Variants in HSD17B3 observed in about 807,000 individuals in gnomAD.
HSD17B3 encodes hydroxysteroid 17-beta dehydrogenase 3.
Under a neutral mutation model 41.1 loss-of-function variants are expected in HSD17B3, and 29 were observed. The observed-to-expected ratio is 0.71, with a 90% CI of 0.53 to 0.96. The LOEUF (loss-of-function observed/expected upper bound fraction) is 0.96, where lower values mean the gene tolerates loss of function less well. HSD17B3 is among the 40% of genes least tolerant of loss of function. The pLI, the probability that HSD17B3 is intolerant of heterozygous loss-of-function variation, is 0.00. For missense variants in HSD17B3, 323 were observed against 374.6 expected, an observed-to-expected ratio of 0.86 and a Z score of 1.14; for synonymous variants, 126 against 145.6, an observed-to-expected ratio of 0.87 and a Z score of 0.97.
At chr9:96,249,933 C>T in intron 5 of HSD17B3, 147 bp from the exon 6 acceptor site, 1 of 1,544,296 alleles carries the variant, frequency 6.5e-7, no homozygotes, top group South Asian at 1.2e-5. Flanking sequence ...CTCATAACTG[C>T]CTTCCAGCAA....
intron 2 of HSD17B3, among the ~76,000 whole-genome samples, chr9:96,262,684 C>T (rs931116230): frequency 2.6e-5 from 4 of 152,054 alleles, no homozygotes; most frequent in African/African-American, 4.8e-5. Context: ...AAAGCAATCA[C>T]GGTTTTTGCC....
intron 2 of HSD17B3, among the ~76,000 whole-genome samples, chr9:96,268,568 A>G (rs1826123426): frequency 6.6e-6 from 1 of 152,206 alleles, no homozygotes; most frequent in Admixed American, 6.5e-5. Context: ...AAACATTTAA[A>G]AAACCAATCA....
intron 2 of HSD17B3, among the ~76,000 whole-genome samples, chr9:96,278,778 A>G (rs990641937): frequency 6.6e-6 from 1 of 152,228 alleles, no homozygotes; most frequent in Non-Finnish European, 1.5e-5. Context: ...TTAGAAATAA[A>G]TGAGGACTGT....
chr9:96,244,179 G>C (rs1204281488), intron 9 of HSD17B3, 150 bp downstream of exon 9: 1 of 828,128 alleles, frequency 1.2e-6, no homozygotes, highest in African/African-American at 1.7e-5. Flanking sequence ...GGCATCCCCA[G>C]CTCATCTTCC....
At chr9:96,269,747 T>C (rs1202132874) in intron 2 of HSD17B3, among the ~76,000 whole-genome samples, 4 of 151,306 alleles carry the variant, frequency 2.6e-5, no homozygotes, top group African/African-American at 9.7e-5. Context: ...CTAGTAAAAA[T>C]ACAAAAATTA....
At chr9:96,254,801 G>T in intron 3 of HSD17B3, 67 bp downstream of exon 3, 1 of 1,350,054 alleles carries the variant, frequency 7.4e-7, no homozygotes, top group Non-Finnish European at 1.1e-6. Flanking sequence ...TACATCAACT[G>T]GCATGGTGGG....
intron 10 of HSD17B3, chr9:96,239,597 A>C (rs1447098308): frequency 6.6e-6 from 1 of 152,252 alleles, no homozygotes; most frequent in Non-Finnish European, 1.5e-5. Flanking sequence ...AGATAAAGGA[A>C]TGCTTTGGTA....
chr9:96,241,002 G>C, intron 9 of HSD17B3, 95 bp from the exon 10 acceptor site: 2 of 1,439,638 alleles, frequency 1.4e-6, no homozygotes, highest in South Asian at 2.3e-5. Flanking sequence ...ACCATTTCCC[G>C]ACCCTTCTCT....
chr9:96,241,237 GT>G (rs1379259761), intron 9 of HSD17B3, among the ~76,000 whole-genome samples: 1 of 152,188 alleles, frequency 6.6e-6, no homozygotes, highest in African/African-American at 2.4e-5. Flanking sequence ...TAAATTTGAA[GT>G]TCAGACAAAC....
intron 2 of HSD17B3, among the ~76,000 whole-genome samples, chr9:96,259,259 T>G (rs1825774300): frequency 1.3e-5 from 2 of 152,128 alleles, no homozygotes; most frequent in Non-Finnish European, 2.9e-5. Flanking sequence ...GGACAATGAG[T>G]TGTTCCTGCC....
At chr9:96,301,903 A>G (rs745930632) in intron 1 of HSD17B3, 48 bp downstream of exon 1, 8 of 1,578,094 alleles carry the variant, frequency 5.1e-6, no homozygotes. Context: ...AATAGTAACA[A>G]GCAGGAACAA....
intron 1 of HSD17B3, among the ~76,000 whole-genome samples, chr9:96,301,470 T>C (rs1230277730): frequency 6.6e-6 from 1 of 150,826 alleles, no homozygotes. Context: ...CTCAGCACTT[T>C]GAGAGGCTAA....
At chr9:96,276,939 C>A (rs1836202589) in intron 2 of HSD17B3, among the ~76,000 whole-genome samples, 1 of 152,152 alleles carries the variant, frequency 6.6e-6, no homozygotes, top group Admixed American at 6.6e-5. Flanking sequence ...CGGTGGCTCA[C>A]ACCTGTAATC....
In HSD17B3 at chr9:96,284,432, G is replaced by A. The variant is rs546175820; in HGVS notation, c.201+13984C>T. Among the ~76,000 whole-genome samples the A allele has an allele frequency of 1.4e-3, 215 of 152,226 alleles. 1 individual carries two copies. Among genetic ancestry groups the A allele is most frequent in the African/African-American group, 5.0e-3 (207 of 41,544 alleles). Reference sequence around the variant, plus strand: ...TCTCCAGAATTTGAAAACTAGTTGCGAGTATTCTTAATTTAATGACAGTAT... The same window carrying A: ...TCTCCAGAATTTGAAAACTAGTTGCAAGTATTCTTAATTTAATGACAGTAT... On this transcript the variant is annotated intron_variant, in intron 2 of 10. Coordinates refer to ENST00000375263, the MANE Select transcript of HSD17B3 (RefSeq NM_000197.2).
chr9:96,249,876 C>A, intron 5 of HSD17B3, 90 bp from the exon 6 acceptor site: 2 of 1,610,118 alleles, frequency 1.2e-6, no homozygotes, highest in South Asian at 2.2e-5. Flanking sequence ...ATGAAGTGGG[C>A]AAAAGTGCAT....
At position 96,254,939 on chromosome 9, in the gene HSD17B3, G is replaced by A; in HGVS notation, c.206C>T (p.Ala69Val). 1 of 1,613,690 alleles carries A rather than the reference G, an allele frequency of 6.2e-7. No individual in the cohort carries two copies. Among genetic ancestry groups the A allele is most frequent in the Non-Finnish European group, 8.5e-7 (1 of 1,179,840 alleles). Residue 69 changes from alanine to valine, a missense_variant, in exon 3 of 11, where the codon GCA (alanine) becomes GTA (valine). By Grantham distance (64) the Ala-to-Val change is moderately conservative. Coordinates refer to ENST00000375263, the MANE Select transcript of HSD17B3 (RefSeq NM_000197.2). Reference sequence around the variant, plus strand: ...AAGGACAACATTGAGTCCACGTTTTGCTAGCTGAGAGTGGGAGTGAAAAAC... The same window carrying A: ...AAGGACAACATTGAGTCCACGTTTTACTAGCTGAGAGTGGGAGTGAAAAAC... ...GIGKAYSFELAKRGLNVVLIS... is the reference protein window; with the variant it reads ...GIGKAYSFELVKRGLNVVLIS...
intron 2 of HSD17B3, among the ~76,000 whole-genome samples, chr9:96,271,606 T>C (rs2130761976): frequency 6.6e-6 from 1 of 152,298 alleles, no homozygotes; most frequent in Admixed American, 6.5e-5. Context: ...CAGATATGTG[T>C]TATGATCCAG....
chr9:96,293,739 TAAAA>T (rs1236808882), intron 2 of HSD17B3, among the ~76,000 whole-genome samples: 1 of 151,652 alleles, frequency 6.6e-6, no homozygotes, highest in Non-Finnish European at 1.5e-5. Flanking sequence ...TCTCAAAAAA[TAAAA>T]AAAGCCGTAT....
intron 4 of HSD17B3, 127 bp downstream of exon 4, chr9:96,252,676 T>G: frequency 1.4e-6 from 1 of 723,608 alleles, no homozygotes; most frequent in South Asian, 1.5e-5. Flanking sequence ...TTCAACTTAA[T>G]GGGACAGCTT....
Sources: allele counts gnomAD v4.1 joint callset (sites outside exome capture counted in the v4.1 genomes callset), GRCh38; gene constraint gnomAD v4.1.1; transcripts MANE v1.5; gene names NCBI Gene and HGNC (gene_info 2026-07-23, HGNC 2026-07-21).